Variants in PLXDC2 observed in about 807,000 individuals in gnomAD.
The protein encoded by PLXDC2 is plexin domain containing 2.
In PLXDC2, 40 loss-of-function variants were observed where a neutral mutation model predicts 68.9. The ratio of observed to expected loss-of-function variants is 0.58; its 90% CI spans 0.45 to 0.76. The LOEUF is 0.76. Ranked by LOEUF, PLXDC2 falls within the 30% of genes least tolerant of loss-of-function variation. The probability of loss-of-function intolerance (pLI) is 0.00; values close to 1 mark genes in which losing one functional copy is unlikely to be tolerated. For missense variants in PLXDC2, 644 were observed against 661.9 expected (o/e 0.97, Z 0.30); for synonymous variants, 243 against 234.2 (o/e 1.04, Z -0.34).
intron 1 of PLXDC2, among the ~76,000 whole-genome samples, chr10:19,894,688 A>G (rs1171664617): frequency 1.3e-5 from 2 of 152,204 alleles, no homozygotes; most frequent in Non-Finnish European, 2.9e-5. Flanking sequence ...AATGCACATT[A>G]TCACTGGTAA....
chr10:19,990,555 T>C (rs2131628128), intron 1 of PLXDC2, among the ~76,000 whole-genome samples: 1 of 152,324 alleles, frequency 6.6e-6, no homozygotes, highest in African/African-American at 2.4e-5. Flanking sequence ...ATAGATTACT[T>C]CTGAAATGTG....
chr10:19,837,943 C>G (rs1836830253), intron 1 of PLXDC2, among the ~76,000 whole-genome samples: 1 of 152,098 alleles, frequency 6.6e-6, no homozygotes. Flanking sequence ...CCATTACTTG[C>G]ATTTTGGTGA....
At position 20,211,770 on chromosome 10, in the gene PLXDC2, G is replaced by A. The variant is rs1835072930; in HGVS notation, c.1122+41G>A. 6 of 1,578,900 alleles carry A rather than the reference G, an allele frequency of 3.8e-6. No homozygotes were observed. In the South Asian group the frequency reaches 5.6e-5, roughly 15 times the overall value. On this transcript the variant is annotated intron_variant, in intron 10 of 13. Coordinates refer to ENST00000377252, the MANE Select transcript of PLXDC2 (RefSeq NM_032812.9). ...TGTGACAGAATCCTGGGACCAAGCT[G>A]TCATATACATGTGTTTTAACTGTTA...
rs148979619 is a variant in PLXDC2 at position 19,923,066 on chromosome 10, T to TA, written c.113-78699dup. On this transcript the variant is annotated intron_variant, in intron 1 of 13. Transcript: ENST00000377252. ...TATTTGGCCAAGATTGGCTTATGTT[T>TA]AAAAAAAAAATCTCTTAAGTCATTT... is the stretch of plus-strand genomic sequence containing the variant. Among the ~76,000 whole-genome samples, 626 of 150,724 alleles carry TA rather than the reference T, an allele frequency of 4.2e-3. 12 individuals carry two copies. Among genetic ancestry groups the TA allele is most frequent in the Non-Finnish European group, 1.2e-3 (83 of 67,554 alleles).
intron 3 of PLXDC2, among the ~76,000 whole-genome samples, chr10:20,064,480 A>G (rs1019360644): frequency 2.0e-5 from 3 of 152,060 alleles, no homozygotes. Context: ...TTGGCCTCCC[A>G]AAGTGCTGTG....
At position 20,285,816 on chromosome 10, in the gene PLXDC2, G is replaced by A. The variant is rs1743533228; in HGVS notation, c.*5997G>A. ...TTATGTCATTTATTAGACCATCCCA[G>A]ACATAAGACAATCAGGGAAATCAGA... On this transcript the variant is annotated 3_prime_UTR_variant, in exon 14 of 14. Transcript: ENST00000377252. The A allele has an allele frequency of 1.3e-5, 2 of 152,058 alleles. No individual in the cohort carries two copies. The highest frequency in any genetic ancestry group is 4.8e-5 in the African/African-American group (2 of 41,400). The allele number at this position is 152,058 out of a possible 1,614,324, so 9.4% of individuals were successfully genotyped here. A position where few individuals can be genotyped will look rare whatever the true frequency, so the allele number is the denominator to read the frequency against.
intron 12 of PLXDC2, among the ~76,000 whole-genome samples, chr10:20,223,313 T>C (rs888195302): frequency 1.1e-4 from 1 of 9,122 alleles, no homozygotes; most frequent in Admixed American, 7.1e-4. Flanking sequence ...CAGAATTGAA[T>C]TTTTTTTTTT....
At chr10:20,106,395 A>G (rs1199207140) in intron 4 of PLXDC2, among the ~76,000 whole-genome samples, 3 of 152,224 alleles carry the variant, frequency 2.0e-5, no homozygotes, top group African/African-American at 7.2e-5. Context: ...ACGGTTCCTA[A>G]GCAGGGGAAT....
Position 20,285,972 on chromosome 10 carries a change from T to C in PLXDC2, c.*6153T>C, listed in dbSNP as rs1225380957. 6.6e-6 allele frequency: 1 copy of C among 152,206 alleles called. No individual in the cohort carries two copies. Among genetic ancestry groups the C allele is most frequent in the Non-Finnish European group, 1.5e-5 (1 of 68,032 alleles). 9.4% of individuals were successfully genotyped at this position (152,206 alleles called of 1,614,324 possible). A position where few individuals can be genotyped will look rare whatever the true frequency, so the allele number is the denominator to read the frequency against. ...AAATTGTAATACATCTGCCTAATTA[T>C]TGTCTGGAATAACTTTTCAACCATC... On this transcript the variant is annotated 3_prime_UTR_variant, in exon 14 of 14. Coordinates refer to ENST00000377252, the MANE Select transcript of PLXDC2 (RefSeq NM_032812.9).
intron 2 of PLXDC2, among the ~76,000 whole-genome samples, chr10:20,025,006 G>T (rs781262649): frequency 1.3e-5 from 2 of 152,058 alleles, no homozygotes; most frequent in African/African-American, 2.4e-5. Context: ...CTTTGCTATT[G>T]TGACTAGTGC....
intron 9 of PLXDC2, among the ~76,000 whole-genome samples, chr10:20,191,783 G>A (rs558072839): frequency 2.6e-5 from 4 of 152,076 alleles, no homozygotes; most frequent in African/African-American, 9.6e-5. Flanking sequence ...TTGTGCACAT[G>A]TACCCTAAAA....
rs182200178 is a variant in PLXDC2 at position 19,822,753 on chromosome 10, T to C, written c.112+5562T>C. Among the ~76,000 whole-genome samples the C allele has an allele frequency of 4.7e-4, 71 of 152,336 alleles. 1 individual carries two copies. The highest frequency in any genetic ancestry group is 1.6e-3 in the African/African-American group (66 of 41,582). ...TAGTGATGTTGAGGACCATGTCATA[T>C]GCCTGTTGGCCATTTTTTTTGTCTT... On this transcript the variant is annotated intron_variant, in intron 1 of 13. Transcript: ENST00000377252.
intron 3 of PLXDC2, among the ~76,000 whole-genome samples, chr10:20,067,087 A>G (rs1019060156): frequency 6.6e-6 from 1 of 152,146 alleles, no homozygotes; most frequent in East Asian, 1.9e-4. Flanking sequence ...TATCATTTCA[A>G]ACATATAAAA....
intron 9 of PLXDC2, among the ~76,000 whole-genome samples, chr10:20,191,828 T>C (rs970787798): frequency 6.6e-6 from 1 of 151,866 alleles, no homozygotes; most frequent in African/African-American, 2.4e-5. Flanking sequence ...AACAAGTAAA[T>C]AAATAAAAAA....
At chr10:19,846,814 G>A (rs1418241694) in intron 1 of PLXDC2, among the ~76,000 whole-genome samples, 1 of 152,122 alleles carries the variant, frequency 6.6e-6, no homozygotes, top group Non-Finnish European at 1.5e-5. Context: ...TTTTCACACT[G>A]CTAAGAGAGA....
intron 1 of PLXDC2, among the ~76,000 whole-genome samples, chr10:19,910,591 CTTTTTTTTTTT>C (rs1006322581): frequency 7.6e-5 from 7 of 92,560 alleles, no homozygotes; most frequent in African/African-American, 1.7e-4. Flanking sequence ...TAAGTGGTTG[CTTTTTTTTTTT>C]TTTTTTTTTT....
Position 20,118,032 on chromosome 10 carries a change from G to A in PLXDC2, c.542-25263G>A, listed in dbSNP as rs367710476. ...TAACATGCCATCTCTTTCTGTCTCC[G>A]TCTCTATATATGTAGCTACATGTAT... is the stretch of plus-strand genomic sequence containing the variant. On this transcript the variant is annotated intron_variant, in intron 4 of 13. Transcript: ENST00000377252. Among the ~76,000 whole-genome samples, 39 of 151,700 alleles carry A rather than the reference G, an allele frequency of 2.6e-4. 1 individual carries two copies. The highest frequency in any genetic ancestry group is 8.0e-4 in the African/African-American group (33 of 41,278).
At chr10:20,010,153 G>A (rs539955848) in intron 2 of PLXDC2, among the ~76,000 whole-genome samples, 1 of 152,218 alleles carries the variant, frequency 6.6e-6, no homozygotes, top group South Asian at 2.1e-4. Context: ...TGGCAGAGTG[G>A]CCTGATGCTA....
intron 9 of PLXDC2, among the ~76,000 whole-genome samples, chr10:20,206,189 A>G (rs1834988954): frequency 2.0e-5 from 3 of 152,170 alleles, no homozygotes; most frequent in Admixed American, 2.0e-4. Flanking sequence ...TCAAAAAAAA[A>G]GAAAAATAAC....
Sources: gnomAD v4.1 joint callset for allele counts (sites outside exome capture counted in the v4.1 genomes callset) on GRCh38, gnomAD v4.1.1 for gene constraint, MANE v1.5 for transcripts, NCBI Gene and HGNC (gene_info 2026-07-23, HGNC 2026-07-21) for gene names.